PTK2: variants seen among roughly 807,000 people sequenced by gnomAD.
PTK2 encodes the protein focal adhesion kinase 1.
Under a neutral mutation model 150.1 loss-of-function variants are expected in PTK2, and 45 were observed. The ratio of observed to expected loss-of-function variants is 0.30; its 90% CI spans 0.24 to 0.38. The LOEUF (loss-of-function observed/expected upper bound fraction) is 0.38. Ranked by LOEUF, PTK2 falls within the 10% of genes least tolerant of loss-of-function variation. The probability of loss-of-function intolerance (pLI) is 1.00; values close to 1 mark genes in which losing one functional copy is unlikely to be tolerated. For missense variants in PTK2, 919 were observed against 1,307.3 expected, an observed-to-expected ratio of 0.70 and a Z score of 4.58; for synonymous variants, 432 against 449.2, an observed-to-expected ratio of 0.96 and a Z score of 0.48.
Position 140,747,109 on chromosome 8 carries a change from C to T in PTK2, c.1418-249G>A, listed in dbSNP as rs185907814. ...ATTTCACCATGTTGGCCAGGATGGT[C>T]TCGATCTCTTGACCTCATGATCTAC... On this transcript the variant is annotated intron_variant, in intron 17 of 31. Transcript: ENST00000522684. 1.9e-3 allele frequency: 645 copies of T among 344,750 alleles called. 6 individuals are homozygous for T. Among genetic ancestry groups the T allele is most frequent in the African/African-American group, 0.013 (581 of 46,230 alleles). The allele number at this position is 344,750 out of a possible 1,614,324, so 21.4% of individuals were successfully genotyped here. A position where few individuals can be genotyped will look rare whatever the true frequency, so the allele number is the denominator to read the frequency against.
At chr8:140,864,567 CAAAAA>C (rs1354571644) in intron 4 of PTK2, among the ~76,000 whole-genome samples, 168 bp from the exon 5 acceptor site, 2 of 151,980 alleles carry the variant, frequency 1.3e-5, no homozygotes, top group Non-Finnish European at 1.5e-5. Context: ...CATTTTAGCA[CAAAAA>C]AAGAGCACAT....
At chr8:140,729,899 C>A (rs1031362920) in intron 22 of PTK2, among the ~76,000 whole-genome samples, 4 of 152,146 alleles carry the variant, frequency 2.6e-5, no homozygotes, top group Admixed American at 1.3e-4. Context: ...TCATCGTAAA[C>A]TAACGATGAA....
chr8:140,770,812 G>C lies in PTK2; in HGVS notation c.1178-6522C>G, dbSNP rs745499773. The C allele has an allele frequency of 2.4e-6, 3 of 1,253,684 alleles. No homozygotes were observed. In the South Asian group the frequency reaches 4.1e-5, roughly 17 times the overall value. The allele number at this position is 1,253,684 out of a possible 1,614,324, so 77.7% of individuals were successfully genotyped here. On this transcript the variant is annotated intron_variant, in intron 14 of 31. Transcript: ENST00000522684. ...CAGTGACTGACTCCTTTATAAAGAG[G>C]CAAGAGGGGAAAGAGAAAAATAGAA... is the stretch of plus-strand genomic sequence containing the variant.
intron 16 of PTK2, among the ~76,000 whole-genome samples, chr8:140,759,118 T>C (rs546158921): frequency 1.9e-4 from 29 of 152,274 alleles, no homozygotes; most frequent in African/African-American, 7.0e-4. Flanking sequence ...TAACGATGCA[T>C]TTGTCAGAAA....
intron 27 of PTK2, among the ~76,000 whole-genome samples, chr8:140,676,698 C>T (rs1242736819): frequency 1.5e-5 from 2 of 132,984 alleles, no homozygotes; most frequent in East Asian, 2.4e-4. Flanking sequence ...GAGGCTGAGG[C>T]GGGTGGATCA....
At chr8:140,959,305 C>T (rs1163465805) in intron 1 of PTK2, among the ~76,000 whole-genome samples, 1 of 148,530 alleles carries the variant, frequency 6.7e-6, no homozygotes, top group Non-Finnish European at 1.5e-5. Flanking sequence ...CCAAGGAGGG[C>T]GGATCATGAG....
At chr8:140,800,410 A>G (rs770022631) in intron 12 of PTK2, 49 bp downstream of exon 12, 1 of 1,449,418 alleles carries the variant, frequency 6.9e-7, no homozygotes, top group Non-Finnish European at 9.7e-7. Flanking sequence ...AAGCACAGCT[A>G]AATATTTGGT....
intron 2 of PTK2, among the ~76,000 whole-genome samples, chr8:140,910,269 C>T (rs2100162595): frequency 6.6e-6 from 1 of 152,058 alleles, no homozygotes; most frequent in African/African-American, 2.4e-5. Context: ...ACTCTAGCAT[C>T]ACCCACAGAA....
At chr8:140,813,648 T>C (rs2100102911) in intron 10 of PTK2, among the ~76,000 whole-genome samples, 2 of 152,198 alleles carry the variant, frequency 1.3e-5, no homozygotes. Context: ...GGTAAGGCAG[T>C]GTTAACAGGT....
intron 8 of PTK2, among the ~76,000 whole-genome samples, chr8:140,827,384 C>T (rs538802395): frequency 6.6e-6 from 1 of 152,160 alleles, no homozygotes; most frequent in East Asian, 1.9e-4. Context: ...CCTCTCTGGC[C>T]ACCAGGAGTT....
intron 31 of PTK2, among the ~76,000 whole-genome samples, chr8:140,660,168 G>A (rs537514401): frequency 1.0e-3 from 155 of 152,210 alleles, no homozygotes; most frequent in African/African-American, 3.6e-3. Context: ...CATTTGCGCT[G>A]TTTAGACTTT....
At chr8:140,986,763 T>C (rs1056945759) in intron 1 of PTK2, among the ~76,000 whole-genome samples, 1 of 152,178 alleles carries the variant, frequency 6.6e-6, no homozygotes, top group Non-Finnish European at 1.5e-5. Flanking sequence ...TTTAAGGAGA[T>C]CCCACACTGG....
chr8:140,775,108 A>C (rs2100077647), intron 14 of PTK2, among the ~76,000 whole-genome samples: 1 of 152,208 alleles, frequency 6.6e-6, no homozygotes, highest in Non-Finnish European at 1.5e-5. Context: ...GCCAGATCCA[A>C]GAACCCTCTC....
chr8:140,761,669 A>G (rs2100069503), intron 15 of PTK2, among the ~76,000 whole-genome samples: 1 of 152,168 alleles, frequency 6.6e-6, no homozygotes, highest in South Asian at 2.1e-4. Flanking sequence ...CAATTATTTT[A>G]CAAATAACTA....
intron 14 of PTK2, among the ~76,000 whole-genome samples, chr8:140,777,135 C>T (rs1025039484): frequency 1.3e-5 from 2 of 152,282 alleles, no homozygotes; most frequent in Middle Eastern, 6.8e-3. Flanking sequence ...GCCTTGTTTG[C>T]TGTATTAGGC....
chr8:140,916,431 A>G (rs1161432022), intron 2 of PTK2, among the ~76,000 whole-genome samples: 1 of 152,214 alleles, frequency 6.6e-6, no homozygotes, highest in Non-Finnish European at 1.5e-5. Context: ...CTACCTATAC[A>G]ATCAACTTGG....
intron 20 of PTK2, among the ~76,000 whole-genome samples, chr8:140,740,864 T>C (rs1205273125): frequency 6.6e-6 from 1 of 152,238 alleles, no homozygotes; most frequent in Admixed American, 6.5e-5. Flanking sequence ...GACAGGTAGC[T>C]GGGCACAGTG....
At position 140,921,370 on chromosome 8, in the gene PTK2, T is replaced by C. The variant is rs549263915; in HGVS notation, c.-33+4291A>G. Among the ~76,000 whole-genome samples the C allele has an allele frequency of 9.2e-5, 14 of 152,322 alleles. No individual in the cohort carries two copies. The South Asian group carries it at 1.0e-3, about 11-fold the overall frequency. ...ACAAAACTGACAACCGATTCTAAAA[T>C]TGAGTAAGCTGCAAATCAAGTCTGA... is the stretch of plus-strand genomic sequence containing the variant. On this transcript the variant is annotated intron_variant, in intron 2 of 31. Transcript: ENST00000522684.
chr8:140,938,254 A>G (rs1347618026), intron 1 of PTK2, among the ~76,000 whole-genome samples: 1 of 152,170 alleles, frequency 6.6e-6, no homozygotes, highest in Non-Finnish European at 1.5e-5. Flanking sequence ...TGACCCAGCC[A>G]CGTGCAGGTT....
Sources: gnomAD v4.1 joint callset for allele counts (sites outside exome capture counted in the v4.1 genomes callset) on GRCh38, gnomAD v4.1.1 for gene constraint, MANE v1.5 for transcripts, NCBI Gene and HGNC (gene_info 2026-07-23, HGNC 2026-07-21) for gene names.